Variants in TSC22D1 observed in about 807,000 individuals in gnomAD.
TSC22D1 encodes TSC22 domain family protein 1.
Under a neutral mutation model 74.2 loss-of-function variants are expected in TSC22D1, and 9 were observed. That is an observed-to-expected ratio of 0.12 (90% confidence interval 0.07 to 0.21). The LOEUF (loss-of-function observed/expected upper bound fraction) is 0.21, where lower values mean the gene tolerates loss of function less well. Among genes scored for constraint, TSC22D1 ranks in the 10% least tolerant of loss-of-function variants. TSC22D1 has a pLI of 1.00. For synonymous variants in TSC22D1, 586 were observed against 492.5 expected (o/e 1.19, Z -2.51); for missense variants, 1,427 against 1,304.7 (o/e 1.09, Z -1.44).
intron 1 of TSC22D1, among the ~76,000 whole-genome samples, chr13:44,466,726 T>C (rs1249457514): frequency 6.6e-6 from 1 of 151,550 alleles, no homozygotes; most frequent in African/African-American, 2.4e-5. Context: ...GCTGAGATCA[T>C]ACCACTGCAC....
intron 1 of TSC22D1, among the ~76,000 whole-genome samples, chr13:44,458,848 C>T (rs1264532937): frequency 1.3e-5 from 2 of 152,194 alleles, no homozygotes; most frequent in South Asian, 4.2e-4. Context: ...CCTTGGGCAC[C>T]GACAAGTGCA....
rs61034237 is a variant in TSC22D1, at chr13:44,487,498, C to CAAAAAAAAAAAAAAAAAAAAAAAAAA, written c.2913-51429_2913-51404dup. Among the ~76,000 whole-genome samples the CAAAAAAAAAAAAAAAAAAAAAAAAAA allele has an allele frequency of 1.7e-4, 4 of 23,454 alleles. 1 individual carries two copies. The highest frequency in any genetic ancestry group is 4.3e-4 in the African/African-American group (2 of 4,600). 15.4% of individuals were successfully genotyped at this position (23,454 alleles called of 152,430 possible). On this transcript the variant is annotated intron_variant, in intron 1 of 2. Coordinates refer to ENST00000458659, the MANE Select transcript of TSC22D1 (RefSeq NM_183422.4). ...TGGGCAACAGAGCAAGACTCCATCT[C>CAAAAAAAAAAAAAAAAAAAAAAAAAA]AAAAAAAAAAAAAAAAAAAAAAAAA...
At chr13:44,449,810 C>T (rs1289204651) in intron 1 of TSC22D1, among the ~76,000 whole-genome samples, 1 of 152,158 alleles carries the variant, frequency 6.6e-6, no homozygotes, top group Non-Finnish European at 1.5e-5. Flanking sequence ...CAACATAATA[C>T]ATCTTAGCTA....
rs895423382 is a variant in TSC22D1, at chr13:44,539,455, A to T, written c.2912+33708T>A. The T allele has an allele frequency of 1.0e-5, 10 of 985,246 alleles. No homozygotes were observed. In the African/African-American group the frequency reaches 1.7e-4, roughly 17 times the overall value. 61.0% of individuals were successfully genotyped at this position (985,246 alleles called of 1,614,324 possible). On this transcript the variant is annotated intron_variant, in intron 1 of 2. Transcript: ENST00000458659. ...TTAAATTACTTGAATATAAAAGAGC[A>T]CTTAGAAGTCCACTAATACCACAAA...
At chr13:44,466,030 A>G (rs1422085330) in intron 1 of TSC22D1, among the ~76,000 whole-genome samples, 1 of 152,246 alleles carries the variant, frequency 6.6e-6, no homozygotes, top group Non-Finnish European at 1.5e-5. Context: ...TAATTAGCAA[A>G]TAAGACTGTT....
chr13:44,459,354 C>A (rs981415727), intron 1 of TSC22D1, among the ~76,000 whole-genome samples: 3 of 152,154 alleles, frequency 2.0e-5, no homozygotes, highest in African/African-American at 7.2e-5. Flanking sequence ...AGGAGCTACC[C>A]ACTATGGATA....
chr13:44,510,324 G>A lies in TSC22D1; in HGVS notation c.2912+62839C>T, dbSNP rs563208954. The stretch of plus-strand genomic sequence containing the variant: ...GGAGAATCACTTGAACCTGCGAGGC[G>A]GGGGTTGCAGTGAACCAAGATTGCG... On this transcript the variant is annotated intron_variant, in intron 1 of 2. Coordinates refer to ENST00000458659, the MANE Select transcript of TSC22D1 (RefSeq NM_183422.4). Among the ~76,000 whole-genome samples, 6 of 152,078 alleles carry A rather than the reference G, an allele frequency of 3.9e-5. No homozygotes were observed. In the East Asian group the frequency reaches 5.8e-4, roughly 15 times the overall value.
Position 44,573,226 on chromosome 13 carries a change from G to C in TSC22D1, c.2849C>G (p.Ala950Gly), listed in dbSNP as rs547888018. The change falls in exon 1 of 3, where the codon GCT becomes GGT. Residue 950 changes from alanine to glycine, a missense_variant. Transcript: ENST00000458659. ...DGSSSSLAAS[A>G]SLFPLKVLPL... ...TAGCACCTTCAACGGGAAAAGAGAAGCAGAGGCTGCTAGGCTGCTGCTACT... is the reference window on the plus strand; with the variant it reads ...TAGCACCTTCAACGGGAAAAGAGAACCAGAGGCTGCTAGGCTGCTGCTACT... 1.2e-6 allele frequency: 2 copies of C among 1,614,230 alleles called. No individual in the cohort carries two copies. Among genetic ancestry groups the C allele is most frequent in the African/African-American group, 2.7e-5 (2 of 75,060 alleles).
chr13:44,458,908 C>T (rs1329797901), intron 1 of TSC22D1, among the ~76,000 whole-genome samples: 3 of 152,312 alleles, frequency 2.0e-5, no homozygotes, highest in Non-Finnish European at 4.4e-5. Context: ...AACCTGCAGG[C>T]ACCCCTCAGT....
intron 1 of TSC22D1, among the ~76,000 whole-genome samples, chr13:44,515,008 A>G (rs1165248864): frequency 1.3e-5 from 2 of 152,242 alleles, no homozygotes; most frequent in African/African-American, 4.8e-5. Context: ...CAGCAGGAAA[A>G]GAGGCATTCT....
chr13:44,434,515 C>T lies in TSC22D1; in HGVS notation c.*111G>A. 6.9e-7 allele frequency: 1 copy of T among 1,456,964 alleles called. No individual in the cohort carries two copies. The highest frequency in any genetic ancestry group is 2.4e-5 in the East Asian group (1 of 40,892). The allele number at this position is 1,456,964 out of a possible 1,614,324, so 90.3% of individuals were successfully genotyped here. ...AATGGCATATGTCAGTCTCACGTCT[C>T]TTTCGCAGCGAGCAATGAAATGGGT... is the stretch of plus-strand genomic sequence containing the variant. On this transcript the variant is annotated 3_prime_UTR_variant, in exon 3 of 3. Coordinates refer to ENST00000458659, the MANE Select transcript of TSC22D1 (RefSeq NM_183422.4).
chr13:44,433,029 C>A lies in TSC22D1; in HGVS notation c.*1597G>T, dbSNP rs1174301212. ...TAGACAAAACGAATTATCCCAGGAG[C>A]TAGAAACTCATCCTACACTAGGAGA... On this transcript the variant is annotated 3_prime_UTR_variant, in exon 3 of 3. Transcript: ENST00000458659. 6.6e-6 allele frequency: 1 copy of A among 152,190 alleles called. No individual in the cohort carries two copies. The highest frequency in any genetic ancestry group is 2.4e-5 in the African/African-American group (1 of 41,450). The allele number at this position is 152,190 out of a possible 1,614,324, so 9.4% of individuals were successfully genotyped here.
chr13:44,576,758 C>A (rs1288018011), upstream of TSC22D1, among the ~76,000 whole-genome samples: 1 of 151,288 alleles, frequency 6.6e-6, no homozygotes, highest in Non-Finnish European at 1.5e-5. Context: ...CGGCGAGGCG[C>A]CCGGTACGGT....
In TSC22D1 at chr13:44,575,220, T is replaced by G; in HGVS notation, c.855A>C (p.Ser285=). Residue 285 remains serine, a synonymous_variant, in exon 1 of 3, where the codon TCA becomes TCC. Coordinates refer to ENST00000458659, the MANE Select transcript of TSC22D1 (RefSeq NM_183422.4). ...GCATATTAGTCATTACAGATGCAGG[T>G]GAACCACTGGATGATACAGCAGAAG... ...APTSAVSSSG[S]PASVMTNMRA... 1.2e-6 allele frequency: 2 copies of G among 1,614,036 alleles called. No individual in the cohort carries two copies. Among genetic ancestry groups the G allele is most frequent in the Non-Finnish European group, 1.7e-6 (2 of 1,180,034 alleles).
intron 1 of TSC22D1, among the ~76,000 whole-genome samples, chr13:44,486,902 G>A (rs1036864781): frequency 2.0e-5 from 3 of 151,942 alleles, no homozygotes; most frequent in Non-Finnish European, 4.4e-5. Flanking sequence ...AAAAAGAAAT[G>A]CAGATTTCTA....
At chr13:44,452,037 G>A (rs1303422969) in intron 1 of TSC22D1, among the ~76,000 whole-genome samples, 1 of 152,184 alleles carries the variant, frequency 6.6e-6, no homozygotes, top group African/African-American at 2.4e-5. Flanking sequence ...AAACAATCCA[G>A]GTCCTCTCAT....
At chr13:44,452,559 T>A (rs1039018750) in intron 1 of TSC22D1, 4 of 152,344 alleles carry the variant, frequency 2.6e-5, no homozygotes, top group African/African-American at 9.7e-5. Context: ...CTGGCTGGGC[T>A]ACTCATGGGG....
chr13:44,515,618 A>G (rs1879944054), intron 1 of TSC22D1, among the ~76,000 whole-genome samples: 1 of 152,028 alleles, frequency 6.6e-6, no homozygotes, highest in Admixed American at 6.6e-5. Flanking sequence ...TGGTATTTTT[A>G]ATAGAGACAG....
At chr13:44,435,134 G>T (rs560237389) in intron 2 of TSC22D1, 2 of 415,034 alleles carry the variant, frequency 4.8e-6, no homozygotes, top group African/African-American at 2.1e-5. Flanking sequence ...CCCAAGTAAG[G>T]CTTCCTGAGA....
Sources: gnomAD v4.1 joint callset for allele counts (sites outside exome capture counted in the v4.1 genomes callset) on GRCh38, gnomAD v4.1.1 for gene constraint, MANE v1.5 for transcripts, NCBI Gene and HGNC (gene_info 2026-07-23, HGNC 2026-07-21) for gene names.